CSMD1: variants seen among roughly 807,000 people sequenced by gnomAD.
CSMD1 encodes the protein CUB and Sushi multiple domains 1, also known as CUB and sushi domain-containing protein 1.
Under a neutral mutation model 417.5 loss-of-function variants are expected in CSMD1, and 213 were observed. The observed-to-expected ratio is 0.51, with a 90% CI of 0.46 to 0.57. CSMD1 has a LOEUF of 0.57. Among genes scored for constraint, CSMD1 ranks in the 20% least tolerant of loss-of-function variants. The probability of loss-of-function intolerance (pLI) is 0.00; values close to 1 mark genes in which losing one functional copy is unlikely to be tolerated. For missense variants in CSMD1, 6,923 were observed against 4,529.7 expected, an observed-to-expected ratio of 1.53 and a Z score of -15.17; for synonymous variants, 2,862 against 1,736.8, an observed-to-expected ratio of 1.65 and a Z score of -16.11.
intron 3 of CSMD1, among the ~76,000 whole-genome samples, chr8:4,362,237 TG>T (rs1227506350): frequency 3.3e-5 from 5 of 152,120 alleles, no homozygotes; most frequent in African/African-American, 1.2e-4. Flanking sequence ...ACAAAAGACT[TG>T]TTTTTTCCAT....
intron 5 of CSMD1, among the ~76,000 whole-genome samples, chr8:3,974,135 T>C (rs542782653): frequency 6.6e-6 from 1 of 152,202 alleles, no homozygotes; most frequent in Non-Finnish European, 1.5e-5. Context: ...GGTAGTTTTG[T>C]GTGTGTGTGT....
chr8:3,085,255 C>A (rs1814441391), intron 49 of CSMD1, among the ~76,000 whole-genome samples: 2 of 151,986 alleles, frequency 1.3e-5, no homozygotes, highest in South Asian at 4.1e-4. Flanking sequence ...AAGATCCCTC[C>A]AAGTTTAAAG....
At chr8:4,612,392 A>G (rs1801227723) in intron 2 of CSMD1, among the ~76,000 whole-genome samples, 1 of 152,172 alleles carries the variant, frequency 6.6e-6, no homozygotes. Flanking sequence ...GTACAAGTCT[A>G]CACTGGAATT....
At chr8:4,171,581 T>C (rs1420190844) in intron 3 of CSMD1, among the ~76,000 whole-genome samples, 2 of 151,714 alleles carry the variant, frequency 1.3e-5, no homozygotes, top group Admixed American at 1.3e-4. Flanking sequence ...CGTTGCCAAA[T>C]ACTACACAAT....
At chr8:3,481,991 T>C (rs1404511721) in intron 11 of CSMD1, among the ~76,000 whole-genome samples, 1 of 152,218 alleles carries the variant, frequency 6.6e-6, no homozygotes, top group African/African-American at 2.4e-5. Context: ...AAGTCACATA[T>C]GTTTATTGTA....
chr8:3,863,395 CAAAAA>C (rs35446566), intron 5 of CSMD1, among the ~76,000 whole-genome samples: 1,752 of 90,300 alleles, frequency 0.019, 15 homozygotes, highest in Middle Eastern at 0.11. Flanking sequence ...ATACTCTGCT[CAAAAA>C]AAAAAAAAAA....
At chr8:3,180,276 C>T (rs1821239700) in intron 37 of CSMD1, among the ~76,000 whole-genome samples, 1 of 152,152 alleles carries the variant, frequency 6.6e-6, no homozygotes, top group African/African-American at 2.4e-5. Flanking sequence ...GTCTCACATC[C>T]ATCTTTAAAA....
chr8:4,429,765 G>A (rs6995076), intron 2 of CSMD1, among the ~76,000 whole-genome samples: 22,876 of 152,042 alleles, frequency 0.15, 1,867 homozygotes, highest in South Asian at 0.28. Context: ...TTCTAGAAGT[G>A]CTCCACCCGT....
At chr8:4,220,720 A>G (rs1456798434) in intron 3 of CSMD1, among the ~76,000 whole-genome samples, 1 of 152,236 alleles carries the variant, frequency 6.6e-6, no homozygotes, top group Non-Finnish European at 1.5e-5. Context: ...GCATTGAGCA[A>G]TTCACTAGCT....
At chr8:4,957,082 T>C (rs1185857276) in intron 1 of CSMD1, among the ~76,000 whole-genome samples, 1 of 152,186 alleles carries the variant, frequency 6.6e-6, no homozygotes, top group Non-Finnish European at 1.5e-5. Context: ...CCAGATATGC[T>C]AGAAGTATGA....
chr8:4,920,612 A>G lies in CSMD1; in HGVS notation c.85+73720T>C, dbSNP rs1806373814. Among the ~76,000 whole-genome samples the G allele has an allele frequency of 2.0e-5, 3 of 152,066 alleles. No individual in the cohort carries two copies. In the South Asian group the frequency reaches 6.2e-4, roughly 31 times the overall value. The stretch of plus-strand genomic sequence containing the variant: ...TGAGGCAGGTGGATCACCTGAAGTC[A>G]GGAGTTTGAGACCAGCCTGACCTAC... On this transcript the variant is annotated intron_variant, in intron 1 of 69. Coordinates refer to ENST00000635120, the MANE Select transcript of CSMD1 (RefSeq NM_033225.6).
chr8:3,106,563 T>C lies in CSMD1; in HGVS notation c.6914A>G (p.Gln2305Arg), dbSNP rs377657920. 6.2e-7 allele frequency: 1 copy of C among 1,613,858 alleles called. No homozygotes were observed. Among genetic ancestry groups the C allele is most frequent in the African/African-American group, 1.3e-5 (1 of 75,038 alleles). ...TDILTCKLSS[Q>R]LQFEGSLPTC... ...TGGGAGAGAACCCTCAAACTGCAACTGGGAACTGAGCTTGCAAGTCAGAAT... is the reference window on the plus strand; with the variant it reads ...TGGGAGAGAACCCTCAAACTGCAACCGGGAACTGAGCTTGCAAGTCAGAAT... The change falls in exon 46 of 70, where the codon CAG becomes CGG. Residue 2305 changes from glutamine to arginine, a missense_variant. Transcript: ENST00000635120.
intron 3 of CSMD1, among the ~76,000 whole-genome samples, chr8:4,103,649 G>C (rs1002403454): frequency 3.9e-5 from 6 of 151,994 alleles, no homozygotes; most frequent in African/African-American, 1.4e-4. Context: ...AATCTCATTA[G>C]GTATCTGATA....
intron 30 of CSMD1, among the ~76,000 whole-genome samples, chr8:3,206,433 GGGTGTA>G (rs1797272159): frequency 1.8e-5 from 2 of 112,706 alleles, no homozygotes; most frequent in East Asian, 2.8e-4. Context: ...GTGTGTGTGT[GGGTGTA>G]TGTGTGTGTG....
At chr8:3,525,161 G>C (rs1423450088) in intron 10 of CSMD1, among the ~76,000 whole-genome samples, 2 of 152,104 alleles carry the variant, frequency 1.3e-5, no homozygotes, top group Non-Finnish European at 2.9e-5. Flanking sequence ...TCTCAGTAGG[G>C]TCTTCTTGTC....
rs1273282317 is a variant in CSMD1 at position 3,107,746 on chromosome 8, C to T, written c.6807G>A (p.Met2269Ile). The T allele has an allele frequency of 6.3e-7, 1 of 1,592,008 alleles. No homozygotes were observed. Among genetic ancestry groups the T allele is most frequent in the South Asian group, 1.1e-5 (1 of 87,576 alleles). The change falls in exon 45 of 70, where the codon ATG (methionine) becomes ATA (isoleucine). Residue 2269 changes from methionine (M) to isoleucine (I), a missense_variant. Coordinates refer to ENST00000635120, the MANE Select transcript of CSMD1 (RefSeq NM_033225.6). ...QPPPAVPQAE[M>I]LTEDDDFEIG... ...TTTCGAAATCATCATCCTCAGTAAGCATTTCTGCCTGTGGAACCGCTGGGG... is the reference window on the plus strand; with the variant it reads ...TTTCGAAATCATCATCCTCAGTAAGTATTTCTGCCTGTGGAACCGCTGGGG...
chr8:3,816,868 G>C (rs569323136), intron 5 of CSMD1, among the ~76,000 whole-genome samples: 5 of 152,092 alleles, frequency 3.3e-5, no homozygotes, highest in Non-Finnish European at 5.9e-5. Context: ...TCAGGGGTAA[G>C]GGGGCACTAT....
intron 54 of CSMD1, among the ~76,000 whole-genome samples, chr8:2,997,462 A>G (rs1212453012): frequency 6.6e-6 from 1 of 152,214 alleles, no homozygotes; most frequent in Non-Finnish European, 1.5e-5. Context: ...CCTTCACACT[A>G]AAGTACAATA....
chr8:4,666,118 T>G (rs933970683), intron 1 of CSMD1, among the ~76,000 whole-genome samples: 12 of 152,158 alleles, frequency 7.9e-5, no homozygotes, highest in African/African-American at 2.2e-4. Context: ...TGGGGGGCGC[T>G]GAGCATCTTC....
Sources: allele counts gnomAD v4.1 joint callset (sites outside exome capture counted in the v4.1 genomes callset), GRCh38; gene constraint gnomAD v4.1.1; transcripts MANE v1.5; gene names NCBI Gene and HGNC (gene_info 2026-07-23, HGNC 2026-07-21).